The following SEC16A variants were observed in gnomAD, a reference collection of about 807,000 sequenced individuals.
The protein encoded by SEC16A is protein transport protein Sec16A.
In SEC16A, 110 loss-of-function variants were observed where a neutral mutation model predicts 221.9. The observed-to-expected ratio is 0.50, with a 90% confidence interval of 0.42 to 0.58. The LOEUF is 0.58. Among genes scored for constraint, SEC16A ranks in the 20% least tolerant of loss-of-function variants. The pLI is 0.00. For missense variants in SEC16A, 3,165 were observed against 3,097.8 expected (o/e 1.02, Z -0.52); for synonymous variants, 1,393 against 1,257.7 (o/e 1.11, Z -2.28).
In SEC16A at chr9:136,476,907, C is replaced by A. The variant is rs1311701360; in HGVS notation, c.709G>T (p.Val237Phe). The A allele has an allele frequency of 1.2e-6, 2 of 1,611,656 alleles. No homozygotes were observed. Among genetic ancestry groups the A allele is most frequent in the African/African-American group, 1.3e-5 (1 of 74,924 alleles). Reference protein sequence around the residue: ...QHRSPCPEGPVPSGVPCATSV... With the variant: ...QHRSPCPEGPFPSGVPCATSV... ...GTGGCACAGGGCACCCCGCTGGGAA[C>A]AGGTCCTTCAGGGCAGGGTGAACGA... The change falls in exon 3 of 32, where the codon GTT (valine) becomes TTT (phenylalanine). Residue 237 changes from valine to phenylalanine, a missense_variant. Coordinates refer to ENST00000684901, the MANE Select transcript of SEC16A (RefSeq NM_014866.2).
At chr9:136,479,565 G>A (rs1250443471) in intron 1 of SEC16A, among the ~76,000 whole-genome samples, 1 of 152,114 alleles carries the variant, frequency 6.6e-6, no homozygotes, top group Non-Finnish European at 1.5e-5. Context: ...TGTTAGCCAG[G>A]ATGGTCTTGA....
In SEC16A at chr9:136,447,493, C is replaced by A. The variant is rs1837172589; in HGVS notation, c.6559+76G>T. ...CGGGAAGCCACCTCCTCCCCACGCA[C>A]AACAGCTACACATTGGCCTCTCTCT... On this transcript the variant is annotated intron_variant, in intron 26 of 31. Coordinates refer to ENST00000684901, the MANE Select transcript of SEC16A (RefSeq NM_014866.2). This position sits in a 1 kb window ranked among gnomAD's most constrained non-coding sequence, Gnocchi z 5.5. 1.3e-6 allele frequency: 2 copies of A among 1,540,676 alleles called. No homozygotes were observed. The highest frequency in any genetic ancestry group is 8.9e-7 in the Non-Finnish European group (1 of 1,122,490).
intron 23 of SEC16A, 143 bp from the exon 24 acceptor site, chr9:136,448,304 G>A: frequency 1.4e-6 from 1 of 739,386 alleles, no homozygotes; most frequent in Non-Finnish European, 2.5e-6. Flanking sequence ...GAATGGAGGT[G>A]GGAGCAGATC....
At chr9:136,467,194 G>T in intron 5 of SEC16A, 111 bp from the exon 6 acceptor site, 1 of 1,238,216 alleles carries the variant, frequency 8.1e-7, no homozygotes, top group Non-Finnish European at 1.1e-6. Context: ...AGGACTCCTC[G>T]AGAAACCCAG....
At chr9:136,469,995 C>T (rs1292166981) in intron 4 of SEC16A, among the ~76,000 whole-genome samples, 1 of 152,260 alleles carries the variant, frequency 6.6e-6, no homozygotes, top group Non-Finnish European at 1.5e-5. Flanking sequence ...ACCTTTCCAA[C>T]CCCAGTCATT....
chr9:136,483,663 TCAGTCTG>T (rs1186116344), upstream of SEC16A: 1 of 985,318 alleles, frequency 1.0e-6, no homozygotes, highest in Non-Finnish European at 1.2e-6. Context: ...AAGCGGGAAA[TCAGTCTG>T]CAGGACCGAT....
intron 1 of SEC16A, among the ~76,000 whole-genome samples, chr9:136,481,373 C>T (rs1006634087): frequency 6.6e-6 from 1 of 152,048 alleles, no homozygotes; most frequent in Non-Finnish European, 1.5e-5. Context: ...CTCCTGACCT[C>T]GTGATCCGCC....
chr9:136,456,189 G>A, intron 18 of SEC16A, 23 bp from the exon 19 acceptor site: 2 of 1,577,426 alleles, frequency 1.3e-6, no homozygotes, highest in Non-Finnish European at 1.7e-6. Flanking sequence ...AAAAATCAAA[G>A]GCCCCTGTCA....
In SEC16A at chr9:136,476,498, G is replaced by A. The variant is rs112304024; in HGVS notation, c.1118C>T (p.Ala373Val). Residue 373 changes from alanine (A) to valine (V), a missense_variant, in exon 3 of 32, where the codon GCG (alanine) becomes GTG (valine). Transcript: ENST00000684901. ...TGTCTCTCCCCCTTGGAAAAACATC[G>A]CCAGAGCTCCTGAAGCTCCTGAGTC... The part of the protein sequence containing the change: ...EADSGASGAL[A>V]MFFQGGETEN... 4.4e-5 allele frequency: 71 copies of A among 1,612,892 alleles called. No individual in the cohort carries two copies. Among genetic ancestry groups the A allele is most frequent in the East Asian group, 2.5e-4 (11 of 44,890 alleles).
At chr9:136,443,270 G>A (rs186755957) in intron 31 of SEC16A, among the ~76,000 whole-genome samples, 3 of 151,952 alleles carry the variant, frequency 2.0e-5, no homozygotes, top group African/African-American at 4.8e-5. Context: ...TGGTGTCCAC[G>A]CAGAGCTGAG....
chr9:136,483,938 T>A, upstream of SEC16A: 2 of 300,818 alleles, frequency 6.6e-6, no homozygotes, highest in Non-Finnish European at 9.8e-6. Context: ...CGCCAGTCCC[T>A]GGCCAGCGTC....
chr9:136,449,809 A>ATT (rs1472288994), intron 23 of SEC16A, among the ~76,000 whole-genome samples: 13 of 152,224 alleles, frequency 8.5e-5, no homozygotes, highest in African/African-American at 3.1e-4. Context: ...GAGCTCACAC[A>ATT]AATTTGGAAT....
At chr9:136,445,784 C>A in intron 28 of SEC16A, 65 bp from the exon 29 acceptor site, 2 of 1,371,580 alleles carry the variant, frequency 1.5e-6, no homozygotes, top group Non-Finnish European at 2.0e-6. Context: ...CACACCAGGC[C>A]AAAAAATATG....
In SEC16A at chr9:136,446,492, C is replaced by T. The variant is rs975113991; in HGVS notation, c.6792+363G>A. On this transcript the variant is annotated intron_variant, in intron 28 of 31. Coordinates refer to ENST00000684901, the MANE Select transcript of SEC16A (RefSeq NM_014866.2). ...TGAAAATATACTTAACTTTTATTATCGGTAGGTAATTTCTCTGTAACTTAG... is the reference window on the plus strand; with the variant it reads ...TGAAAATATACTTAACTTTTATTATTGGTAGGTAATTTCTCTGTAACTTAG... Among the ~76,000 whole-genome samples, 5 of 150,458 alleles carry T rather than the reference C, an allele frequency of 3.3e-5. No individual in the cohort carries two copies. The East Asian group carries it at 9.7e-4, about 29-fold the overall frequency.
At chr9:136,445,606 GCCTGGGCTGCGGGGGGC>G in intron 29 of SEC16A, 22 bp downstream of exon 29, 1 of 1,471,362 alleles carries the variant, frequency 6.8e-7, no homozygotes, top group Non-Finnish European at 9.3e-7. Context: ...TGCTGGGGAG[GCCTGGGCTGCGGGGGGC>G]CCTGGCGTCG....
intron 3 of SEC16A, among the ~76,000 whole-genome samples, chr9:136,472,711 G>C (rs957058765): frequency 1.3e-5 from 2 of 152,228 alleles, no homozygotes; most frequent in African/African-American, 4.8e-5. Context: ...GGACACATGA[G>C]GATCTGAAGA....
intron 11 of SEC16A, 68 bp downstream of exon 11, chr9:136,463,395 G>A (rs916132876): frequency 2.5e-6 from 4 of 1,572,004 alleles, no homozygotes; most frequent in African/African-American, 2.7e-5. Flanking sequence ...CCTTCGGGAG[G>A]CTGAGCATTC....
At chr9:136,446,763 T>A in intron 28 of SEC16A, 92 bp downstream of exon 28, 1 of 1,289,546 alleles carries the variant, frequency 7.8e-7, no homozygotes, top group South Asian at 1.4e-5. Context: ...ACACATTGGA[T>A]ACTGACTTGC....
intron 29 of SEC16A, among the ~76,000 whole-genome samples, 184 bp from the exon 30 acceptor site, chr9:136,445,295 G>A (rs536898769): frequency 2.6e-5 from 4 of 152,284 alleles, no homozygotes; most frequent in East Asian, 1.9e-4. Flanking sequence ...CTGTTATCCC[G>A]AAACAACCAT....
Sources: gnomAD v4.1 joint callset for allele counts (sites outside exome capture counted in the v4.1 genomes callset) on GRCh38, gnomAD v4.1.1 for gene constraint, Gnocchi (gnomAD v3.1) non-coding constraint, MANE v1.5 for transcripts, NCBI Gene and HGNC (gene_info 2026-07-23, HGNC 2026-07-21) for gene names.